The following ADCY7 variants were observed in gnomAD, a reference collection of about 807,000 sequenced individuals.
ADCY7 encodes the protein adenylate cyclase 7.
ADCY7 carries 72 observed loss-of-function variants against 120.6 expected under a neutral mutation model. The observed-to-expected ratio is 0.60, with a 90% confidence interval of 0.49 to 0.73. The LOEUF (loss-of-function observed/expected upper bound fraction) is 0.73, where lower values mean the gene tolerates loss of function less well. Ranked by LOEUF, ADCY7 falls within the 30% of genes least tolerant of loss-of-function variation. The pLI, the probability that ADCY7 is intolerant of heterozygous loss-of-function variation, is 0.00. For missense variants in ADCY7, 1,227 were observed against 1,486.0 expected, an observed-to-expected ratio of 0.83 and a Z score of 2.87; for synonymous variants, 661 against 628.0, an observed-to-expected ratio of 1.05 and a Z score of -0.78.
intron 18 of ADCY7, 127 bp downstream of exon 18, chr16:50,309,773 G>T: frequency 1.2e-6 from 1 of 832,954 alleles, no homozygotes; most frequent in Admixed American, 2.8e-5. Context: ...GCTGAGAACA[G>T]CCTCTCCTGC....
intron 1 of ADCY7, among the ~76,000 whole-genome samples, chr16:50,281,576 G>C (rs1371986404): frequency 1.3e-5 from 2 of 152,202 alleles, no homozygotes; most frequent in African/African-American, 4.8e-5. Context: ...TGTTTGCCAG[G>C]ACCAGCTGCG....
chr16:50,291,985 C>A, intron 4 of ADCY7, 88 bp downstream of exon 4: 1 of 1,412,184 alleles, frequency 7.1e-7, no homozygotes, highest in South Asian at 1.4e-5. Flanking sequence ...GAATCAGACC[C>A]GAAGGCCCCG....
At chr16:50,261,820 G>A (rs1306819263), upstream of ADCY7, among the ~76,000 whole-genome samples, 1 of 152,240 alleles carries the variant, frequency 6.6e-6, no homozygotes, top group East Asian at 1.9e-4. Flanking sequence ...GATAGGCGAG[G>A]TTGGCGACAA....
rs575369059 is a variant in ADCY7, at chr16:50,294,912, G to A, written c.948+161G>A. Among the ~76,000 whole-genome samples the A allele has an allele frequency of 5.3e-5, 8 of 152,334 alleles. No individual in the cohort carries two copies. The East Asian group carries it at 1.3e-3, about 26-fold the overall frequency. On this transcript the variant is annotated intron_variant, in intron 7 of 25. Coordinates refer to ENST00000673801, the MANE Select transcript of ADCY7 (RefSeq NM_001114.5). Reference sequence around the variant, plus strand: ...CACAAGCGCCCCATGGTAAAGGTGGGGGTGAGTGGTGGCCACGGCAGCCAG... The same window carrying A: ...CACAAGCGCCCCATGGTAAAGGTGGAGGTGAGTGGTGGCCACGGCAGCCAG...
At chr16:50,306,574 G>T (rs1341793565) in intron 14 of ADCY7, among the ~76,000 whole-genome samples, 2 of 136,948 alleles carry the variant, frequency 1.5e-5, no homozygotes, top group Non-Finnish European at 3.2e-5. Flanking sequence ...GGGTGGGAGT[G>T]GGGGTGGGGG....
chr16:50,309,198 G>C (rs1014755469), intron 17 of ADCY7: 3 of 334,292 alleles, frequency 9.0e-6, no homozygotes, highest in Non-Finnish European at 1.7e-5. Flanking sequence ...TCCTGGGCTA[G>C]GGCCTCTCCC....
At chr16:50,249,050 A>G (rs1350886468) in intron 1 of ADCY7, among the ~76,000 whole-genome samples, 2 of 152,132 alleles carry the variant, frequency 1.3e-5, no homozygotes, top group African/African-American at 4.8e-5. Context: ...CTCTCTGCGT[A>G]AGAGCCTGCA....
At chr16:50,268,149 G>A (rs144503493) in intron 1 of ADCY7, among the ~76,000 whole-genome samples, 142 of 152,206 alleles carry the variant, frequency 9.3e-4, no homozygotes, top group African/African-American at 3.3e-3. Flanking sequence ...CCAGGCTGGA[G>A]TGCAGTAGTG....
At chr16:50,299,625 G>A (rs1015188080) in intron 8 of ADCY7, among the ~76,000 whole-genome samples, 8 of 152,238 alleles carry the variant, frequency 5.3e-5, no homozygotes, top group African/African-American at 1.4e-4. Flanking sequence ...ATATCAGGCC[G>A]TGTTCCAGCC....
At position 50,303,751 on chromosome 16, in the gene ADCY7, T is replaced by TG. The variant is rs539516269; in HGVS notation, c.1369-604dup. On this transcript the variant is annotated intron_variant, in intron 10 of 25. Transcript: ENST00000673801. ...GTCATGGCCCTGTGCCATCTGCGGT[T>TG]GGGGGCCACACAAGTGGAACTCCCT... Among the ~76,000 whole-genome samples, 118 of 152,098 alleles carry TG rather than the reference T, an allele frequency of 7.8e-4. No individual in the cohort carries two copies. The South Asian group carries it at 0.01, about 13-fold the overall frequency.
rs927152612 is a variant in ADCY7, at chr16:50,275,243, G to A, written c.-269+8563G>A. On this transcript the variant is annotated intron_variant, in intron 1 of 25. Transcript: ENST00000673801. ...GGGTAGGTGTCCTGGCCCACAGGCAGGTGCATGGGCTGGTCCCGCCAGCAC... is the reference window on the plus strand; with the variant it reads ...GGGTAGGTGTCCTGGCCCACAGGCAAGTGCATGGGCTGGTCCCGCCAGCAC... Among the ~76,000 whole-genome samples, 17 of 152,374 alleles carry A rather than the reference G, an allele frequency of 1.1e-4. No individual in the cohort carries two copies. The East Asian group carries it at 2.1e-3, about 19-fold the overall frequency.
chr16:50,294,371 G>T (rs1194750649), intron 6 of ADCY7, among the ~76,000 whole-genome samples: 1 of 152,226 alleles, frequency 6.6e-6, no homozygotes, highest in Admixed American at 6.5e-5. Flanking sequence ...CCCTTCGGCT[G>T]TCTGCAGTGA....
rs765544777 is a variant in ADCY7 at position 50,305,735 on chromosome 16, C to T, written c.1680-42C>T. ...CTGCCACCTCCTGAGGGAATGGACC[C>T]CTTCCCAGCCCCCATCTCACCGCAG... On this transcript the variant is annotated intron_variant, in intron 13 of 25. Transcript: ENST00000673801. The T allele has an allele frequency of 3.8e-6, 6 of 1,572,348 alleles. No individual in the cohort carries two copies. In the East Asian group the frequency reaches 1.3e-4, roughly 35 times the overall value.
chr16:50,267,003 A>G (rs1041456489), intron 1 of ADCY7, among the ~76,000 whole-genome samples: 1 of 151,656 alleles, frequency 6.6e-6, no homozygotes, highest in Non-Finnish European at 1.5e-5. Context: ...AAATGTCCAC[A>G]CTCCTTCTCG....
At chr16:50,245,025 G>A (rs1235456651), upstream of ADCY7, among the ~76,000 whole-genome samples, 1 of 152,206 alleles carries the variant, frequency 6.6e-6, no homozygotes, top group African/African-American at 2.4e-5. Context: ...TGATTTCTCA[G>A]CATGGTTTCA....
At chr16:50,285,729 T>C (rs2034539322) in intron 1 of ADCY7, among the ~76,000 whole-genome samples, 1 of 152,156 alleles carries the variant, frequency 6.6e-6, no homozygotes, top group Non-Finnish European at 1.5e-5. Context: ...TCATGCAAGG[T>C]TCCTGCTGGG....
chr16:50,247,277 T>C (rs769253436), intron 1 of ADCY7, among the ~76,000 whole-genome samples: 18 of 146,478 alleles, frequency 1.2e-4, no homozygotes, highest in Non-Finnish European at 2.4e-4. Context: ...TCCAGGTCTA[T>C]GGGGGGACCC....
chr16:50,315,231 C>T, intron 25 of ADCY7, 93 bp downstream of exon 25: 1 of 1,575,504 alleles, frequency 6.3e-7, no homozygotes, highest in Non-Finnish European at 8.6e-7. Flanking sequence ...TCTCACCCAG[C>T]AGCCATGGTT....
chr16:50,255,708 TCTCGAACTCCTGAG>T (rs1391550197), intron 1 of ADCY7, among the ~76,000 whole-genome samples: 4 of 152,170 alleles, frequency 2.6e-5, no homozygotes, highest in African/African-American at 9.7e-5. Flanking sequence ...CCCAGGCTGG[TCTCGAACTCCTGAG>T]CTCAAGGGCT....
Sources: gnomAD v4.1 joint callset for allele counts (sites outside exome capture counted in the v4.1 genomes callset) on GRCh38, gnomAD v4.1.1 for gene constraint, MANE v1.5 for transcripts, NCBI Gene and HGNC (gene_info 2026-07-23, HGNC 2026-07-21) for gene names.